FBXW7: variants seen among roughly 807,000 people sequenced by gnomAD.
FBXW7 encodes F-box/WD repeat-containing protein 7.
FBXW7 carries 11 observed loss-of-function variants against 86.3 expected under a neutral mutation model. The ratio of observed to expected loss-of-function variants is 0.13; its 90% CI spans 0.08 to 0.21. FBXW7 has a LOEUF of 0.21. Among genes scored for constraint, FBXW7 ranks in the 10% least tolerant of loss-of-function variants. The pLI, the probability that FBXW7 is intolerant of heterozygous loss-of-function variation, is 1.00. For synonymous variants in FBXW7, 313 were observed against 297.9 expected, an observed-to-expected ratio of 1.05 and a Z score of -0.52; for missense variants, 488 against 847.4, an observed-to-expected ratio of 0.58 and a Z score of 5.27.
chr4:152,437,773 C>T (rs1740514512), intron 2 of FBXW7, among the ~76,000 whole-genome samples: 1 of 152,204 alleles, frequency 6.6e-6, no homozygotes, highest in Non-Finnish European at 1.5e-5. Flanking sequence ...CAACCCTCAG[C>T]AACATCACTC....
intron 2 of FBXW7, among the ~76,000 whole-genome samples, chr4:152,461,849 C>T (rs1742980928): frequency 6.6e-6 from 1 of 152,098 alleles, no homozygotes; most frequent in South Asian, 2.1e-4. Context: ...CACTTAATAC[C>T]ATCGATAGGT....
intron 2 of FBXW7, among the ~76,000 whole-genome samples, chr4:152,432,563 T>C (rs1740003648): frequency 6.6e-6 from 1 of 152,122 alleles, no homozygotes; most frequent in Non-Finnish European, 1.5e-5. Flanking sequence ...TCCCAGCACT[T>C]TGGGGGGCCA....
At chr4:152,410,204 T>TA (rs1191957593) in intron 4 of FBXW7, among the ~76,000 whole-genome samples, 1 of 152,160 alleles carries the variant, frequency 6.6e-6, no homozygotes, top group African/African-American at 2.4e-5. Flanking sequence ...ATTAAACCCC[T>TA]ATTCCTCTAA....
chr4:152,412,549 T>C lies in FBXW7; in HGVS notation c.-119-20A>G, dbSNP rs750554183. ...GTAATCCTAAAACAGAAAAAAAAAA[T>C]TTATACAGAGGATGCTCACTGCAGT... On this transcript the variant is annotated intron_variant, in intron 2 of 13. Transcript: ENST00000281708. 4.0e-5 allele frequency: 6 copies of C among 151,192 alleles called. No homozygotes were observed. Among genetic ancestry groups the C allele is most frequent in the Middle Eastern group, 3.2e-3 (1 of 316 alleles). The allele number at this position is 151,192 out of a possible 1,614,324, so 9.4% of individuals were successfully genotyped here.
intron 2 of FBXW7, among the ~76,000 whole-genome samples, chr4:152,459,141 A>G (rs539920108): frequency 1.4e-3 from 215 of 152,292 alleles, no homozygotes; most frequent in African/African-American, 4.8e-3. Context: ...TTACTACCCA[A>G]AACAGTACAG....
intron 4 of FBXW7, among the ~76,000 whole-genome samples, chr4:152,396,897 T>C (rs1321188159): frequency 6.6e-6 from 1 of 151,992 alleles, no homozygotes; most frequent in Admixed American, 6.6e-5. Context: ...TGTAAGTTCA[T>C]CAATATTCAA....
At chr4:152,329,444 T>C (rs900624943) in intron 10 of FBXW7, among the ~76,000 whole-genome samples, 6 of 151,722 alleles carry the variant, frequency 4.0e-5, no homozygotes, top group Non-Finnish European at 5.9e-5. Flanking sequence ...ATAGACAAAC[T>C]ATGTAAATGA....
At chr4:152,415,922 T>C (rs1051272184) in intron 2 of FBXW7, among the ~76,000 whole-genome samples, 6 of 152,110 alleles carry the variant, frequency 3.9e-5, no homozygotes, top group Non-Finnish European at 7.4e-5. Flanking sequence ...CAACTTAAAA[T>C]AATACCCCCC....
chr4:152,522,871 T>C (rs1028480314), intron 2 of FBXW7, among the ~76,000 whole-genome samples: 1 of 152,250 alleles, frequency 6.6e-6, no homozygotes, highest in African/African-American at 2.4e-5. Context: ...AACCAGTAAG[T>C]GTGGTAGCCT....
At chr4:152,331,042 G>C (rs539663320) in intron 8 of FBXW7, among the ~76,000 whole-genome samples, 174 bp from the exon 9 acceptor site, 1 of 152,032 alleles carries the variant, frequency 6.6e-6, no homozygotes, top group South Asian at 2.1e-4. Flanking sequence ...ATAATGTAAA[G>C]TTTACATTCT....
intron 4 of FBXW7, among the ~76,000 whole-genome samples, chr4:152,356,584 A>G (rs1732405071): frequency 6.6e-6 from 1 of 152,184 alleles, no homozygotes; most frequent in South Asian, 2.1e-4. Flanking sequence ...CAGAATTTAG[A>G]TTACAGACAG....
intron 4 of FBXW7, among the ~76,000 whole-genome samples, chr4:152,394,612 G>T (rs1319505698): frequency 6.6e-6 from 1 of 152,110 alleles, no homozygotes; most frequent in African/African-American, 2.4e-5. Flanking sequence ...AAAATATTTC[G>T]CATAGCATTC....
Position 152,326,153 on chromosome 4 carries a change from A to C in FBXW7, c.1497T>G (p.Gly499=), listed in dbSNP as rs1431555278. 2.5e-6 allele frequency: 4 copies of C among 1,613,178 alleles called. No individual in the cohort carries two copies. The highest frequency in any genetic ancestry group is 3.4e-6 in the Non-Finnish European group (4 of 1,179,530). The change falls in exon 12 of 14, where the codon GGT becomes GGG. Residue 499 remains glycine, a synonymous_variant. Coordinates refer to ENST00000281708, the MANE Select transcript of FBXW7 (RefSeq NM_001349798.2). ...GAACACAGCGGACTGCTGCAACATG[A>C]CCCATCAAAACATGTAAACACTGGC... ...ETGQCLHVLM[G]HVAAVRCVQY...
chr4:152,434,147 G>C (rs542175993), intron 2 of FBXW7, among the ~76,000 whole-genome samples: 1 of 152,122 alleles, frequency 6.6e-6, no homozygotes, highest in Non-Finnish European at 1.5e-5. Flanking sequence ...GAGGGTCCTG[G>C]AACCAATCCC....
Position 152,366,380 on chromosome 4 carries a change from T to C in FBXW7, c.502-16256A>G, listed in dbSNP as rs144249199. ...CACTATTAAAAGGAATACACAGTTT[T>C]AGCAATGCTTGTTAAAGTACACCAC... On this transcript the variant is annotated intron_variant, in intron 4 of 13. Coordinates refer to ENST00000281708, the MANE Select transcript of FBXW7 (RefSeq NM_001349798.2). 1.3e-3 allele frequency among the ~76,000 whole-genome samples: 199 copies of C among 152,270 alleles called. 1 individual carries two copies. Among genetic ancestry groups the C allele is most frequent in the African/African-American group, 4.6e-3 (191 of 41,574 alleles).
At chr4:152,493,623 G>C (rs1746060374) in intron 2 of FBXW7, among the ~76,000 whole-genome samples, 1 of 152,054 alleles carries the variant, frequency 6.6e-6, no homozygotes, top group African/African-American at 2.4e-5. Context: ...CATCTTCCAG[G>C]CCCTAATCCA....
chr4:152,332,760 A>AATAT, intron 7 of FBXW7, 41 bp from the exon 8 acceptor site: 1 of 929,392 alleles, frequency 1.1e-6, no homozygotes, highest in Non-Finnish European at 1.4e-6. Context: ...TATTTAAATA[A>AATAT]ATATATATAT....
intron 4 of FBXW7, among the ~76,000 whole-genome samples, chr4:152,366,722 G>A (rs1733517888): frequency 6.6e-6 from 1 of 152,154 alleles, no homozygotes; most frequent in Non-Finnish European, 1.5e-5. Context: ...GGAAGACAGT[G>A]TGGCGATTCT....
intron 2 of FBXW7, among the ~76,000 whole-genome samples, chr4:152,520,607 G>C (rs748201530): frequency 3.3e-5 from 5 of 152,048 alleles, no homozygotes; most frequent in African/African-American, 1.2e-4. Context: ...GTGCAAAGGG[G>C]ACCAGTCCTT....
Sources: gnomAD v4.1 joint callset for allele counts (sites outside exome capture counted in the v4.1 genomes callset) on GRCh38, gnomAD v4.1.1 for gene constraint, MANE v1.5 for transcripts, NCBI Gene and HGNC (gene_info 2026-07-23, HGNC 2026-07-21) for gene names.